FARS2: variants seen among roughly 807,000 people sequenced by gnomAD.
FARS2 encodes the protein phenylalanyl-tRNA synthetase 2, mitochondrial.
FARS2 carries 40 observed loss-of-function variants against 46.4 expected under a neutral mutation model. The ratio of observed to expected loss-of-function variants is 0.86; its 90% CI spans 0.67 to 1.12. The LOEUF (loss-of-function observed/expected upper bound fraction) is 1.12. FARS2 is among the 50% of genes most tolerant of loss of function. The probability of loss-of-function intolerance (pLI) is 0.00; values close to 1 mark genes in which losing one functional copy is unlikely to be tolerated. For missense variants in FARS2, 513 were observed against 567.9 expected, an observed-to-expected ratio of 0.90 and a Z score of 0.98; for synonymous variants, 234 against 214.9, an observed-to-expected ratio of 1.09 and a Z score of -0.78.
At chr6:5,586,757 G>C (rs1189266441) in intron 5 of FARS2, among the ~76,000 whole-genome samples, 3 of 151,976 alleles carry the variant, frequency 2.0e-5, no homozygotes, top group African/African-American at 4.8e-5. Context: ...TAAATTTTTG[G>C]GATAGTTTGA....
chr6:5,657,324 C>G (rs1777648544), intron 6 of FARS2, among the ~76,000 whole-genome samples: 1 of 152,190 alleles, frequency 6.6e-6, no homozygotes, highest in South Asian at 2.1e-4. Flanking sequence ...TTAAATTTCT[C>G]TGGACAAACC....
rs775771055 is a variant in FARS2 at position 5,368,687 on chromosome 6, A to G, written c.117A>G (p.Ala39=). Residue 39 remains alanine, a synonymous_variant, in exon 2 of 7, where the codon GCA becomes GCG. Coordinates refer to ENST00000274680, the MANE Select transcript of FARS2 (RefSeq NM_006567.5). ...HQAWGSRPPA[A]ECATQRAPGS... is the part of the protein sequence containing the mutation. ...CCTGGGGATCGAGGCCTCCTGCAGC[A>G]GAGTGTGCCACCCAAAGAGCTCCAG... 1 of 1,614,178 alleles carries G rather than the reference A, an allele frequency of 6.2e-7. No homozygotes were observed. The highest frequency in any genetic ancestry group is 1.1e-5 in the South Asian group (1 of 91,080).
chr6:5,646,853 A>T (rs1777106394), intron 6 of FARS2, among the ~76,000 whole-genome samples: 1 of 152,190 alleles, frequency 6.6e-6, no homozygotes, highest in Non-Finnish European at 1.5e-5. Context: ...CTTTTTTCAA[A>T]TATTTTTGAT....
chr6:5,713,766 G>A (rs1230439503), intron 6 of FARS2, among the ~76,000 whole-genome samples: 1 of 152,242 alleles, frequency 6.6e-6, no homozygotes, highest in Admixed American at 6.5e-5. Flanking sequence ...AGACAGGAGG[G>A]TGGCGCTTTG....
intron 1 of FARS2, among the ~76,000 whole-genome samples, chr6:5,365,808 T>C (rs1336302206): frequency 1.3e-5 from 2 of 152,222 alleles, no homozygotes; most frequent in Non-Finnish European, 2.9e-5. Flanking sequence ...TTGTATGTTA[T>C]AGGCATTATA....
chr6:5,448,165 G>A (rs949199784), intron 4 of FARS2, among the ~76,000 whole-genome samples: 11 of 152,184 alleles, frequency 7.2e-5, no homozygotes, highest in Non-Finnish European at 1.2e-4. Flanking sequence ...TGGCATGTGA[G>A]GCTTTATACA....
chr6:5,262,676 T>TA (rs1765269540), intron 1 of FARS2, among the ~76,000 whole-genome samples: 1 of 152,236 alleles, frequency 6.6e-6, no homozygotes, highest in Non-Finnish European at 1.5e-5. Context: ...CAGATATTCT[T>TA]ACTAATCCTG....
At chr6:5,368,383 A>C (rs904534251) in intron 1 of FARS2, among the ~76,000 whole-genome samples, 167 bp from the exon 2 acceptor site, 1 of 152,222 alleles carries the variant, frequency 6.6e-6, no homozygotes, top group African/African-American at 2.4e-5. Context: ...TGTATTAAGT[A>C]TCACATGTCT....
At chr6:5,509,784 T>TA (rs1768319742) in intron 4 of FARS2, among the ~76,000 whole-genome samples, 1 of 152,130 alleles carries the variant, frequency 6.6e-6, no homozygotes, top group African/African-American at 2.4e-5. Context: ...TGCTGGTTTT[T>TA]AAAAAACAGG....
intron 5 of FARS2, among the ~76,000 whole-genome samples, chr6:5,559,949 G>T (rs1214622288): frequency 1.1e-4 from 16 of 152,070 alleles, no homozygotes; most frequent in Admixed American, 1.0e-3. Flanking sequence ...GAAAAAAAAT[G>T]AAACTTGACC....
intron 4 of FARS2, among the ~76,000 whole-genome samples, chr6:5,439,656 G>A (rs1162608156): frequency 1.3e-5 from 2 of 152,206 alleles, no homozygotes; most frequent in African/African-American, 2.4e-5. Flanking sequence ...TGCACTCCAG[G>A]TGAAAGGATA....
At chr6:5,519,085 A>G (rs1369579964) in intron 4 of FARS2, among the ~76,000 whole-genome samples, 1 of 152,208 alleles carries the variant, frequency 6.6e-6, no homozygotes, top group Non-Finnish European at 1.5e-5. Context: ...AGAATTCTAG[A>G]TAGAATGCAA....
At chr6:5,710,477 C>T (rs1300124134) in intron 6 of FARS2, among the ~76,000 whole-genome samples, 1 of 152,220 alleles carries the variant, frequency 6.6e-6, no homozygotes, top group Non-Finnish European at 1.5e-5. Flanking sequence ...GGTTTTCAGA[C>T]ATTGGACATA....
chr6:5,464,543 C>T (rs538068199), intron 4 of FARS2, among the ~76,000 whole-genome samples: 7 of 152,322 alleles, frequency 4.6e-5, no homozygotes, highest in East Asian at 1.9e-4. Context: ...TTCTCTGTTT[C>T]GAATGCTCTC....
intron 5 of FARS2, among the ~76,000 whole-genome samples, chr6:5,574,313 A>T (rs897168185): frequency 4.2e-4 from 64 of 152,140 alleles, no homozygotes; most frequent in African/African-American, 1.5e-3. Context: ...TTTAGTAGAG[A>T]TGGGGTTTCA....
At chr6:5,707,815 G>C (rs1758853769) in intron 6 of FARS2, among the ~76,000 whole-genome samples, 2 of 152,188 alleles carry the variant, frequency 1.3e-5, no homozygotes, top group Admixed American at 1.3e-4. Flanking sequence ...TAGCCTCGGG[G>C]CCCCAGACAG....
intron 6 of FARS2, among the ~76,000 whole-genome samples, chr6:5,762,384 CAA>C (rs1762522479): frequency 6.6e-6 from 1 of 152,182 alleles, no homozygotes; most frequent in Admixed American, 6.5e-5. Context: ...GTCTGCATCC[CAA>C]GTCTCTCCAT....
intron 5 of FARS2, among the ~76,000 whole-genome samples, chr6:5,575,731 T>G (rs751694530): frequency 7.9e-5 from 12 of 152,192 alleles, no homozygotes; most frequent in Admixed American, 4.6e-4. Flanking sequence ...CAGCCCTTCT[T>G]TGTGTTAGTT....
chr6:5,269,441 C>G lies in FARS2; in HGVS notation c.-22+7781C>G, dbSNP rs193005255. 4.2e-3 allele frequency among the ~76,000 whole-genome samples: 598 copies of G among 143,624 alleles called. 1 individual carries two copies. The highest frequency in any genetic ancestry group is 0.015 in the African/African-American group (568 of 37,732). 94.2% of individuals were successfully genotyped at this position (143,624 alleles called of 152,430 possible). A position where few individuals can be genotyped will look rare whatever the true frequency, so the allele number is the denominator to read the frequency against. The stretch of plus-strand genomic sequence containing the variant: ...AACCTGCACCTTGTGCACATGTACC[C>G]TAGAACTTAAAGTATAATAAAAAAA... On this transcript the variant is annotated intron_variant, in intron 1 of 6. Coordinates refer to ENST00000274680, the MANE Select transcript of FARS2 (RefSeq NM_006567.5).
Sources: gnomAD v4.1 joint callset for allele counts (sites outside exome capture counted in the v4.1 genomes callset) on GRCh38, gnomAD v4.1.1 for gene constraint, MANE v1.5 for transcripts, NCBI Gene and HGNC (gene_info 2026-07-23, HGNC 2026-07-21) for gene names.